SGSM1: variants seen among roughly 807,000 people sequenced by gnomAD.
SGSM1 encodes small G protein signaling modulator 1, also known as RUN and TBC1 domain containing 2.
SGSM1 carries 73 observed loss-of-function variants against 133.8 expected under a neutral mutation model. The observed-to-expected ratio is 0.55, with a 90% CI of 0.45 to 0.66. The LOEUF (loss-of-function observed/expected upper bound fraction) is 0.66. Ranked by LOEUF, SGSM1 falls within the 30% of genes least tolerant of loss-of-function variation. The pLI is 0.00. For missense variants in SGSM1, 1,213 were observed against 1,448.1 expected (o/e 0.84, Z 2.64); for synonymous variants, 563 against 573.0 (o/e 0.98, Z 0.25).
chr22:24,896,056 C>T (rs772458284), intron 18 of SGSM1, among the ~76,000 whole-genome samples: 78 of 152,168 alleles, frequency 5.1e-4, no homozygotes, highest in African/African-American at 1.2e-3. Context: ...CTCACACACA[C>T]GCACACACAA....
intron 2 of SGSM1, chr22:24,814,184 A>G (rs1927923055): frequency 6.6e-6 from 1 of 152,210 alleles, no homozygotes; most frequent in African/African-American, 2.4e-5. Flanking sequence ...AAAACTAAGT[A>G]GCTGGTAAGA....
intron 8 of SGSM1, 74 bp from the exon 9 acceptor site, chr22:24,859,642 A>G (rs565451732): frequency 8.8e-6 from 14 of 1,597,998 alleles, no homozygotes; most frequent in Non-Finnish European, 1.1e-5. Context: ...GTGTTCTTAA[A>G]TCAAACGGGC....
chr22:24,846,163 C>T (rs1258086135), intron 3 of SGSM1, among the ~76,000 whole-genome samples: 1 of 151,334 alleles, frequency 6.6e-6, no homozygotes, highest in African/African-American at 2.4e-5. Flanking sequence ...CTTAGCTTCC[C>T]GAGTAGCTGG....
chr22:24,899,040 A>C (rs60017698), intron 19 of SGSM1, among the ~76,000 whole-genome samples: 13 of 150,726 alleles, frequency 8.6e-5, no homozygotes, highest in African/African-American at 3.0e-4. Flanking sequence ...AAAAAAAAAA[A>C]AAAAAAACGT....
chr22:24,894,558 G>A (rs995834774), intron 17 of SGSM1, among the ~76,000 whole-genome samples: 12 of 152,150 alleles, frequency 7.9e-5, no homozygotes, highest in African/African-American at 1.7e-4. Context: ...TGGGCTAGGC[G>A]AGGCTTATTC....
At chr22:24,839,938 T>C (rs1239241083) in intron 2 of SGSM1, among the ~76,000 whole-genome samples, 3 of 146,588 alleles carry the variant, frequency 2.0e-5, no homozygotes, top group Non-Finnish European at 3.0e-5. Context: ...CTCTCTTTTT[T>C]TTTTTTTTTT....
intron 22 of SGSM1, among the ~76,000 whole-genome samples, chr22:24,914,877 A>G (rs898502872): frequency 5.3e-5 from 8 of 151,782 alleles, no homozygotes; most frequent in African/African-American, 1.9e-4. Context: ...GGCTGTTTTT[A>G]TTTGGTTTGG....
chr22:24,851,821 G>C (rs920171708), intron 5 of SGSM1, among the ~76,000 whole-genome samples: 1 of 152,210 alleles, frequency 6.6e-6, no homozygotes, highest in African/African-American at 2.4e-5. Flanking sequence ...GGGGAACAAA[G>C]TGTTTCTGGT....
At chr22:24,886,256 C>T (rs1932592558) in intron 15 of SGSM1, among the ~76,000 whole-genome samples, 1 of 151,712 alleles carries the variant, frequency 6.6e-6, no homozygotes, top group Non-Finnish European at 1.5e-5. Flanking sequence ...CAAAAATTAG[C>T]TGGATGTGGT....
chr22:24,912,417 G>A lies in SGSM1; in HGVS notation c.2819-226G>A, dbSNP rs115604628. ...CTTTTGGCCAGGTGCAGTGGCTCAG[G>A]CCTGTAATCCCAGTACTTTGGGAGG... is the stretch of plus-strand genomic sequence containing the variant. On this transcript the variant is annotated intron_variant, in intron 21 of 24. Coordinates refer to ENST00000400358, the MANE Select transcript of SGSM1 (RefSeq NM_001098497.3). Among the ~76,000 whole-genome samples, 1,142 of 152,244 alleles carry A rather than the reference G, an allele frequency of 7.5e-3. 16 individuals carry two copies. The highest frequency in any genetic ancestry group is 0.026 in the African/African-American group (1,086 of 41,546).
chr22:24,848,852 A>G (rs1227904083), intron 4 of SGSM1, among the ~76,000 whole-genome samples: 1 of 152,228 alleles, frequency 6.6e-6, no homozygotes, highest in African/African-American at 2.4e-5. Flanking sequence ...CTTGCATTTC[A>G]GGCCCTGCCT....
In SGSM1 at chr22:24,876,614, C is replaced by A. The variant is rs763152735; in HGVS notation, c.1329C>A (p.Leu443=). The A allele has an allele frequency of 6.6e-5, 107 of 1,613,914 alleles. No homozygotes were observed. Among genetic ancestry groups the A allele is most frequent in the Non-Finnish European group, 8.5e-5 (100 of 1,179,902 alleles). The change falls in exon 13 of 25, where the codon CTC becomes CTA. Residue 443 remains leucine (L), a synonymous_variant. Coordinates refer to ENST00000400358, the MANE Select transcript of SGSM1 (RefSeq NM_001098497.3). ...TGATGGACGTCTCTGTAAGCAACCT[C>A]CCATCCCTGTGGCAGCCCAGTCCCC... ...QDLMDVSVSN[L]PSLWQPSPRK... is the part of the protein sequence containing the mutation.
intron 12 of SGSM1, among the ~76,000 whole-genome samples, chr22:24,874,177 A>G (rs1272674113): frequency 6.6e-6 from 1 of 152,158 alleles, no homozygotes; most frequent in Non-Finnish European, 1.5e-5. Flanking sequence ...AAGAACAATA[A>G]CTGGTTTCCT....
chr22:24,806,892 C>T (rs1927432302), intron 2 of SGSM1, among the ~76,000 whole-genome samples: 1 of 152,026 alleles, frequency 6.6e-6, no homozygotes, highest in South Asian at 2.1e-4. Flanking sequence ...AATGGGGCTG[C>T]CGAAGGTGGG....
intron 9 of SGSM1, among the ~76,000 whole-genome samples, chr22:24,863,453 G>C (rs545221297): frequency 6.6e-6 from 1 of 152,138 alleles, no homozygotes; most frequent in Admixed American, 6.5e-5. Flanking sequence ...CACCGCGCCC[G>C]GCCATCGTAG....
chr22:24,904,596 AAG>A (rs199948135), intron 20 of SGSM1, among the ~76,000 whole-genome samples: 7,942 of 151,384 alleles, frequency 0.052, 353 homozygotes, highest in Non-Finnish European at 0.075. Context: ...AAAAAAGAAA[AAG>A]AAAATAGTGG....
At position 24,898,395 on chromosome 22, in the gene SGSM1, G is replaced by C. The variant is rs1932987099; in HGVS notation, c.2446G>C (p.Gly816Arg). The change falls in exon 19 of 25, where the codon GGC becomes CGC. Residue 816 changes from glycine to arginine, a missense_variant. Transcript: ENST00000400358. ...TGAAAAGGACGATGTTGTGATGGAG[G>C]GCTGGAGGAGCAGCGAGACAGAGAA... ...LPEKDDVVMEGWRSSETEKHG... is the reference protein window; with the variant it reads ...LPEKDDVVMERWRSSETEKHG... 1 of 1,613,890 alleles carries C rather than the reference G, an allele frequency of 6.2e-7. No individual in the cohort carries two copies. Among genetic ancestry groups the C allele is most frequent in the Admixed American group, 1.7e-5 (1 of 60,014 alleles).
chr22:24,917,412 T>C (rs562910859), intron 22 of SGSM1, among the ~76,000 whole-genome samples: 2 of 152,324 alleles, frequency 1.3e-5, no homozygotes, highest in African/African-American at 4.8e-5. Flanking sequence ...ATTGGTATCT[T>C]GTTGTGGTTT....
intron 16 of SGSM1, among the ~76,000 whole-genome samples, chr22:24,888,885 C>CTCTT (rs1012719705): frequency 2.7e-5 from 4 of 150,712 alleles, no homozygotes; most frequent in African/African-American, 9.8e-5. Context: ...GCCAGTACCA[C>CTCTT]TCTGTCTTGA....
Sources: gnomAD v4.1 joint callset for allele counts (sites outside exome capture counted in the v4.1 genomes callset) on GRCh38, gnomAD v4.1.1 for gene constraint, MANE v1.5 for transcripts, NCBI Gene and HGNC (gene_info 2026-07-23, HGNC 2026-07-21) for gene names.